The following PIK3R3 variants were observed in gnomAD, a reference collection of about 807,000 sequenced individuals.
PIK3R3 encodes phosphoinositide-3-kinase regulatory subunit 3.
A neutral mutation model predicts 62.9 loss-of-function variants in PIK3R3; 64 were observed. That is an observed-to-expected ratio of 1.02 (90% confidence interval 0.83 to 1.25). The LOEUF is 1.25. Ranked by LOEUF, PIK3R3 falls within the 50% of genes most tolerant of loss-of-function variation. The pLI is 0.00. For missense variants in PIK3R3, 614 were observed against 561.6 expected, an observed-to-expected ratio of 1.09 and a Z score of -0.94; for synonymous variants, 165 against 189.0, an observed-to-expected ratio of 0.87 and a Z score of 1.04.
the PIK3R3 span, among the ~76,000 whole-genome samples, chr1:46,157,463 T>C: frequency 6.6e-6 from 1 of 152,170 alleles, no homozygotes; most frequent in African/African-American, 2.4e-5. Flanking sequence ...TAAAAGGAAC[T>C]AGTGGCTCAG....
rs1371032826 is a variant in PIK3R3 at position 46,105,746 on chromosome 1, C to T, written c.107-24996G>A. 1.0e-4 allele frequency among the ~76,000 whole-genome samples: 13 copies of T among 129,982 alleles called. No homozygotes were observed. In the South Asian group the frequency reaches 2.9e-3, roughly 29 times the overall value. 85.3% of individuals were successfully genotyped at this position (129,982 alleles called of 152,430 possible). On this transcript the variant is annotated intron_variant, in intron 1 of 9. Coordinates refer to ENST00000262741, the MANE Select transcript of PIK3R3 (RefSeq NM_003629.4). ...TGAGGCATGAGAATCGCTTGAACCC[C>T]GGGGCTGGGGTGGAAGGGGGAGGTG...
chr1:46,098,007 A>T (rs1419224992), intron 1 of PIK3R3, among the ~76,000 whole-genome samples: 3 of 152,106 alleles, frequency 2.0e-5, no homozygotes, highest in Non-Finnish European at 2.9e-5. Flanking sequence ...CATAAGAAAT[A>T]CTCAAAAAAC....
At chr1:46,132,938 G>T, upstream of PIK3R3, 2 of 1,162,916 alleles carry the variant, frequency 1.7e-6, no homozygotes, top group Middle Eastern at 3.1e-4. Context: ...GGCGCTGGCC[G>T]CACTCCAGGA....
chr1:46,053,911 G>A (rs1330296248), intron 7 of PIK3R3, among the ~76,000 whole-genome samples: 1 of 152,044 alleles, frequency 6.6e-6, no homozygotes, highest in Non-Finnish European at 1.5e-5. Flanking sequence ...AACCACGTGA[G>A]CATTCCAAGA....
chr1:46,087,140 T>C (rs1356418645), intron 1 of PIK3R3, among the ~76,000 whole-genome samples: 1 of 152,056 alleles, frequency 6.6e-6, no homozygotes, highest in African/African-American at 2.4e-5. Context: ...GGTGGAGGGA[T>C]AGCATTAGGA....
At chr1:46,127,489 TAAC>T (rs1655201723) in intron 1 of PIK3R3, among the ~76,000 whole-genome samples, 1 of 151,912 alleles carries the variant, frequency 6.6e-6, no homozygotes. Context: ...ATGAAAACAA[TAAC>T]AACGTCAAAA....
chr1:46,115,638 A>T (rs929880589), intron 1 of PIK3R3, among the ~76,000 whole-genome samples: 4 of 152,350 alleles, frequency 2.6e-5, no homozygotes, highest in African/African-American at 9.6e-5. Flanking sequence ...ATAGTTTATG[A>T]CTATCTGGAG....
chr1:46,090,078 T>C (rs1038595150), intron 1 of PIK3R3, among the ~76,000 whole-genome samples: 4 of 152,196 alleles, frequency 2.6e-5, no homozygotes, highest in Non-Finnish European at 5.9e-5. Flanking sequence ...TTTTGTACTA[T>C]AAACCTTGTA....
intron 1 of PIK3R3, among the ~76,000 whole-genome samples, chr1:46,094,354 T>C (rs1215468800): frequency 6.6e-6 from 1 of 152,142 alleles, no homozygotes; most frequent in African/African-American, 2.4e-5. Flanking sequence ...TAGGATATAA[T>C]CTTAGATGCA....
intron 1 of PIK3R3, among the ~76,000 whole-genome samples, chr1:46,106,170 A>G (rs1241593729): frequency 1.3e-5 from 2 of 152,108 alleles, no homozygotes; most frequent in Admixed American, 1.3e-4. Context: ...ATGGACGACT[A>G]TGGCTTACTG....
At chr1:46,064,223 G>C (rs918192212) in intron 5 of PIK3R3, among the ~76,000 whole-genome samples, 25 of 149,616 alleles carry the variant, frequency 1.7e-4, no homozygotes, top group African/African-American at 5.9e-4. Context: ...AAAAAAATAA[G>C]TAAGTAAAAT....
rs985285148 is a variant in PIK3R3 at position 46,043,236 on chromosome 1, G to T, written c.*437C>A. On this transcript the variant is annotated 3_prime_UTR_variant, in exon 10 of 10. Coordinates refer to ENST00000262741, the MANE Select transcript of PIK3R3 (RefSeq NM_003629.4). ...AACCTAAACAGCCTTCTTCGTGGGGGGAAGAGAGACTGCCAAAGCAAAACA... is the reference window on the plus strand; with the variant it reads ...AACCTAAACAGCCTTCTTCGTGGGGTGAAGAGAGACTGCCAAAGCAAAACA... 2 of 234,788 alleles carry T rather than the reference G, an allele frequency of 8.5e-6. No homozygotes were observed. Among genetic ancestry groups the T allele is most frequent in the Admixed American group, 1.1e-4 (2 of 18,098 alleles). The allele number at this position is 234,788 out of a possible 1,614,324, so 14.5% of individuals were successfully genotyped here.
chr1:46,060,085 G>A (rs1379817137), intron 6 of PIK3R3, among the ~76,000 whole-genome samples: 1 of 150,430 alleles, frequency 6.6e-6, no homozygotes, highest in Non-Finnish European at 1.5e-5. Context: ...GGGCGACAGA[G>A]CGAGACTCCG....
chr1:46,045,917 C>G lies in PIK3R3; in HGVS notation c.1187+1G>C. ...AGGTTATATCCCCAGAGAAGACTTA[C>G]ACCACAGAGCAAGCATAGCATCCTT... is the stretch of plus-strand genomic sequence containing the variant. On this transcript the variant is annotated splice_donor_variant, in intron 9 of 9. Coordinates refer to ENST00000262741, the MANE Select transcript of PIK3R3 (RefSeq NM_003629.4). LOFTEE classifies it high-confidence loss of function. 6.2e-7 allele frequency: 1 copy of G among 1,611,396 alleles called. No homozygotes were observed. The highest frequency in any genetic ancestry group is 8.5e-7 in the Non-Finnish European group (1 of 1,177,936).
chr1:46,055,822 A>G lies in PIK3R3; in HGVS notation c.914T>C (p.Leu305Pro). Residue 305 changes from leucine to proline, a missense_variant, in exon 7 of 10, where the codon CTG becomes CCG. Physicochemically the swap from Leu to Pro is moderately conservative, Grantham distance 98. Transcript: ENST00000262741. Reference protein sequence around the residue: ...MNSIKPDLIQLRKIRDQHLVW... With the variant: ...MNSIKPDLIQPRKIRDQHLVW... ...AAGGTGTTGATCTCGGATCTTTCGCAGCTGGATCAGGTCAGGTTTGATGCT... is the reference window on the plus strand; with the variant it reads ...AAGGTGTTGATCTCGGATCTTTCGCGGCTGGATCAGGTCAGGTTTGATGCT... The G allele has an allele frequency of 7.1e-7, 1 of 1,405,882 alleles. No homozygotes were observed. Among genetic ancestry groups the G allele is most frequent in the Non-Finnish European group, 9.3e-7 (1 of 1,071,350 alleles). The allele number at this position is 1,405,882 out of a possible 1,614,324, so 87.1% of individuals were successfully genotyped here.
chr1:46,104,587 G>A (rs890550199), intron 1 of PIK3R3, among the ~76,000 whole-genome samples: 4 of 152,050 alleles, frequency 2.6e-5, no homozygotes, highest in African/African-American at 9.7e-5. Flanking sequence ...AGCAGCAGTT[G>A]CATTACCACA....
intron 1 of PIK3R3, among the ~76,000 whole-genome samples, chr1:46,129,526 C>T (rs1024563727): frequency 6.6e-6 from 1 of 151,928 alleles, no homozygotes; most frequent in African/African-American, 2.4e-5. Flanking sequence ...AGATGATACT[C>T]TTAACATTAC....
intron 4 of PIK3R3, 69 bp downstream of exon 4, chr1:46,066,842 A>T: frequency 8.4e-7 from 1 of 1,195,504 alleles, no homozygotes; most frequent in Non-Finnish European, 1.2e-6. Context: ...TAAGCCTGGT[A>T]AATAAAATCA....
the PIK3R3 span, among the ~76,000 whole-genome samples, chr1:46,152,397 G>A: frequency 2.6e-5 from 4 of 152,104 alleles, no homozygotes; most frequent in Admixed American, 6.5e-5. Flanking sequence ...ATCCTCATAA[G>A]TCTCTAGATT....
Sources: allele counts gnomAD v4.1 joint callset (sites outside exome capture counted in the v4.1 genomes callset), GRCh38; gene constraint gnomAD v4.1.1; transcripts MANE v1.5; gene names NCBI Gene and HGNC (gene_info 2026-07-23, HGNC 2026-07-21).